Variants in WWOX observed in about 807,000 individuals in gnomAD.
The protein encoded by WWOX is WW domain-containing oxidoreductase.
Under a neutral mutation model 46.2 loss-of-function variants are expected in WWOX, and 69 were observed. That is an observed-to-expected ratio of 1.49 (90% CI 1.23 to 1.82). The LOEUF is 1.82. Ranked by LOEUF, WWOX falls within the 40% of genes most tolerant of loss-of-function variation. The pLI is 0.00. For missense variants in WWOX, 919 were observed against 542.6 expected, an observed-to-expected ratio of 1.69 and a Z score of -6.89; for synonymous variants, 359 against 202.6, an observed-to-expected ratio of 1.77 and a Z score of -6.56.
intron 8 of WWOX, among the ~76,000 whole-genome samples, chr16:78,700,370 C>G (rs1050057847): frequency 2.0e-5 from 3 of 147,712 alleles, no homozygotes; most frequent in Non-Finnish European, 4.5e-5. Flanking sequence ...GACCATCTCT[C>G]TTGTGTGTCT....
intron 8 of WWOX, among the ~76,000 whole-genome samples, chr16:79,019,987 A>C (rs1324879924): frequency 6.6e-6 from 1 of 152,190 alleles, no homozygotes; most frequent in African/African-American, 2.4e-5. Context: ...CTTCTCTACT[A>C]ATCCCCACTG....
At chr16:78,443,697 G>C (rs766367724) in intron 8 of WWOX, among the ~76,000 whole-genome samples, 1 of 152,166 alleles carries the variant, frequency 6.6e-6, no homozygotes, top group Non-Finnish European at 1.5e-5. Context: ...AATTCCCCTA[G>C]TTTTATCTTC....
At chr16:78,901,307 C>A (rs576190390) in intron 8 of WWOX, among the ~76,000 whole-genome samples, 7 of 152,286 alleles carry the variant, frequency 4.6e-5, no homozygotes, top group African/African-American at 1.2e-4. Context: ...GAAAATAAGA[C>A]TATGTCATGA....
intron 8 of WWOX, among the ~76,000 whole-genome samples, chr16:78,679,533 A>T (rs1357373713): frequency 1.3e-5 from 2 of 152,184 alleles, no homozygotes; most frequent in African/African-American, 4.8e-5. Context: ...CCTGGGTGAC[A>T]GAGTGAGACT....
intron 8 of WWOX, among the ~76,000 whole-genome samples, chr16:78,749,378 A>G (rs558982899): frequency 6.6e-6 from 1 of 152,248 alleles, no homozygotes; most frequent in East Asian, 1.9e-4. Context: ...AAAATTGAAT[A>G]CAGCCTTTTG....
chr16:78,124,852 C>T (rs2033291726), intron 4 of WWOX, among the ~76,000 whole-genome samples: 4 of 152,120 alleles, frequency 2.6e-5, no homozygotes, highest in Admixed American at 2.0e-4. Context: ...AAGGTTTCTT[C>T]ACTAGACTCT....
chr16:78,531,138 C>T (rs907004673), intron 8 of WWOX, among the ~76,000 whole-genome samples: 2 of 151,948 alleles, frequency 1.3e-5, no homozygotes, highest in Admixed American at 6.6e-5. Context: ...TGGTAGAGAA[C>T]CTTGCTAGGT....
At chr16:78,270,124 T>G (rs1048684961) in intron 5 of WWOX, 1 of 152,260 alleles carries the variant, frequency 6.6e-6, no homozygotes, top group Non-Finnish European at 1.5e-5. Context: ...AAAAAATACA[T>G]AAATCTGCTT....
chr16:78,647,523 G>C (rs577518592), intron 8 of WWOX, among the ~76,000 whole-genome samples: 4 of 152,206 alleles, frequency 2.6e-5, no homozygotes, highest in Non-Finnish European at 5.9e-5. Context: ...ATGGATGTCT[G>C]AGGTATGCTA....
At chr16:78,548,313 C>G (rs1004021894) in intron 8 of WWOX, among the ~76,000 whole-genome samples, 5 of 150,130 alleles carry the variant, frequency 3.3e-5, no homozygotes, top group African/African-American at 1.2e-4. Flanking sequence ...ATTCAACAGT[C>G]ATGTATTTTA....
chr16:78,500,232 T>A (rs2085026086), intron 8 of WWOX, among the ~76,000 whole-genome samples: 1 of 152,040 alleles, frequency 6.6e-6, no homozygotes, highest in Non-Finnish European at 1.5e-5. Context: ...TGGGGAAAGG[T>A]GGGGCTTTAA....
intron 8 of WWOX, among the ~76,000 whole-genome samples, chr16:78,457,976 C>T (rs2083862491): frequency 6.7e-6 from 1 of 149,922 alleles, no homozygotes; most frequent in Admixed American, 6.6e-5. Flanking sequence ...TATCCAGAGG[C>T]TGAGGCACCA....
At chr16:78,683,561 T>TA (rs34149074) in intron 8 of WWOX, among the ~76,000 whole-genome samples, 19,326 of 149,830 alleles carry the variant, frequency 0.13, 1,299 homozygotes, top group South Asian at 0.2. Flanking sequence ...ATAAAAATAA[T>TA]AAAAAAAAAA....
chr16:78,198,903 T>C (rs1323251106), intron 5 of WWOX, among the ~76,000 whole-genome samples: 1 of 152,208 alleles, frequency 6.6e-6, no homozygotes, highest in Non-Finnish European at 1.5e-5. Flanking sequence ...GGGAGTTCTT[T>C]ACTCCCTTTC....
intron 8 of WWOX, among the ~76,000 whole-genome samples, chr16:78,879,356 T>C (rs1327437383): frequency 6.6e-6 from 1 of 152,164 alleles, no homozygotes; most frequent in Non-Finnish European, 1.5e-5. Context: ...TCAAAGATGG[T>C]GTTTGCTGTT....
rs59419812 is a variant in WWOX at position 78,498,214 on chromosome 16, A to AAAAAAAAAAAAAAG, written c.1056+65466_1056+65467insAAAAAAAAAGAAAA. 9.0e-4 allele frequency among the ~76,000 whole-genome samples: 115 copies of AAAAAAAAAAAAAAG among 128,158 alleles called. 2 individuals carry two copies. Among genetic ancestry groups the AAAAAAAAAAAAAAG allele is most frequent in the Non-Finnish European group, 1.3e-3 (80 of 62,296 alleles). The allele number at this position is 128,158 out of a possible 152,430, so 84.1% of individuals were successfully genotyped here. On this transcript the variant is annotated intron_variant, in intron 8 of 8. Transcript: ENST00000566780. ...AGCAAGACTCCATCTCAAAAAAAAA[A>AAAAAAAAAAAAAAG]AAAAGAAAAAAAAGCATCAGGGTTG...
chr16:79,166,140 T>C (rs1425424313), intron 8 of WWOX, among the ~76,000 whole-genome samples: 1 of 152,238 alleles, frequency 6.6e-6, no homozygotes, highest in Admixed American at 6.5e-5. Flanking sequence ...TTCTTGACTT[T>C]TTTTAATAGT....
At chr16:78,355,261 A>T (rs534819980) in intron 5 of WWOX, among the ~76,000 whole-genome samples, 8 of 15,902 alleles carry the variant, frequency 5.0e-4, no homozygotes, top group African/African-American at 2.3e-3. Flanking sequence ...TCTGTATATA[A>T]AAAAAAAGTA....
intron 8 of WWOX, among the ~76,000 whole-genome samples, chr16:78,557,643 A>G (rs1042535983): frequency 1.4e-5 from 2 of 146,654 alleles, no homozygotes; most frequent in Non-Finnish European, 3.0e-5. Context: ...CTTATTTTTC[A>G]TTTTGCCCGG....
Sources: gnomAD v4.1 joint callset for allele counts (sites outside exome capture counted in the v4.1 genomes callset) on GRCh38, gnomAD v4.1.1 for gene constraint, MANE v1.5 for transcripts, NCBI Gene and HGNC (gene_info 2026-07-23, HGNC 2026-07-21) for gene names.